Variants in SAMD12 observed in about 807,000 individuals in gnomAD.
SAMD12 encodes the protein sterile alpha motif domain-containing protein 12.
A neutral mutation model predicts 15.0 loss-of-function variants in SAMD12; 9 were observed. The ratio of observed to expected loss-of-function variants is 0.60; its 90% CI spans 0.36 to 1.05. The LOEUF is 1.05. Ranked by LOEUF, SAMD12 falls within the 50% of genes least tolerant of loss-of-function variation. SAMD12 has a pLI of 0.01. For missense variants in SAMD12, 230 were observed against 234.2 expected (o/e 0.98, Z 0.12); for synonymous variants, 86 against 90.1 (o/e 0.96, Z 0.25).
chr8:118,452,290 G>C (rs1205940402), intron 2 of SAMD12, among the ~76,000 whole-genome samples: 1 of 152,180 alleles, frequency 6.6e-6, no homozygotes, highest in Non-Finnish European at 1.5e-5. Context: ...CTCCAGTTCA[G>C]ATGGACTGTT....
At chr8:118,509,428 G>A (rs998647996) in intron 2 of SAMD12, among the ~76,000 whole-genome samples, 1 of 152,170 alleles carries the variant, frequency 6.6e-6, no homozygotes, top group Non-Finnish European at 1.5e-5. Flanking sequence ...AAAATAGCTT[G>A]AGGGTTTCAT....
At chr8:118,575,955 G>T (rs1199233227) in intron 2 of SAMD12, among the ~76,000 whole-genome samples, 2 of 151,888 alleles carry the variant, frequency 1.3e-5, no homozygotes, top group Non-Finnish European at 2.9e-5. Context: ...GAGCATTTGG[G>T]AACATCAATT....
At chr8:118,348,951 C>T (rs77764065) in intron 4 of SAMD12, among the ~76,000 whole-genome samples, 3,053 of 152,276 alleles carry the variant, frequency 0.02, 47 homozygotes, top group Non-Finnish European at 0.027. Flanking sequence ...CAAGAGGCAC[C>T]ATTAATTTCC....
At chr8:118,511,060 T>C (rs1252124039) in intron 2 of SAMD12, among the ~76,000 whole-genome samples, 2 of 152,208 alleles carry the variant, frequency 1.3e-5, no homozygotes, top group African/African-American at 4.8e-5. Flanking sequence ...AATTCAAATA[T>C]TACTTTGCTT....
intron 4 of SAMD12, among the ~76,000 whole-genome samples, chr8:118,356,873 T>G (rs1247070137): frequency 6.6e-6 from 1 of 152,180 alleles, no homozygotes; most frequent in Non-Finnish European, 1.5e-5. Context: ...TAAAGCGCCC[T>G]TCTCCTCCCA....
intron 4 of SAMD12, among the ~76,000 whole-genome samples, chr8:118,248,375 C>A (rs905865048): frequency 6.6e-6 from 1 of 152,114 alleles, no homozygotes; most frequent in South Asian, 2.1e-4. Flanking sequence ...CTCATACAAA[C>A]GTTGGCTCTG....
chr8:118,386,447 C>T lies in SAMD12; in HGVS notation c.323-6747G>A, dbSNP rs76564882. On this transcript the variant is annotated intron_variant, in intron 3 of 3. Transcript: ENST00000314727. ...ATCTGAACAACCTGAGATAATCTTC[C>T]CTTGTGAAGATCCTCAACTTAATAC... 9.1e-4 allele frequency among the ~76,000 whole-genome samples: 138 copies of T among 152,220 alleles called. 1 individual carries two copies. The East Asian group carries it at 0.025, about 28-fold the overall frequency.
chr8:118,259,315 A>C (rs1478032362), intron 4 of SAMD12, among the ~76,000 whole-genome samples: 1 of 152,120 alleles, frequency 6.6e-6, no homozygotes, highest in Non-Finnish European at 1.5e-5. Flanking sequence ...TGCTTAATGC[A>C]GTGGTTTGAC....
chr8:118,593,522 A>C (rs893198063), intron 1 of SAMD12, among the ~76,000 whole-genome samples: 1 of 152,184 alleles, frequency 6.6e-6, no homozygotes, highest in Non-Finnish European at 1.5e-5. Context: ...TTTAATTTAA[A>C]ATTTAGTTCC....
chr8:118,308,101 A>G (rs1467201617), intron 4 of SAMD12, among the ~76,000 whole-genome samples: 1 of 152,236 alleles, frequency 6.6e-6, no homozygotes, highest in African/African-American at 2.4e-5. Context: ...AGGATGAGGT[A>G]GTATGCTAAC....
intron 4 of SAMD12, among the ~76,000 whole-genome samples, chr8:118,330,012 A>G (rs1190803912): frequency 6.6e-6 from 1 of 152,188 alleles, no homozygotes; most frequent in African/African-American, 2.4e-5. Context: ...TGTATGGAAC[A>G]ACATGGAACA....
chr8:118,451,786 A>C (rs1247906109), intron 2 of SAMD12, among the ~76,000 whole-genome samples: 1 of 152,134 alleles, frequency 6.6e-6, no homozygotes, highest in Non-Finnish European at 1.5e-5. Context: ...AAAGTTTCCA[A>C]TACTAGCATT....
chr8:118,187,817 T>C (rs1436977572), downstream of SAMD12, among the ~76,000 whole-genome samples: 2 of 152,146 alleles, frequency 1.3e-5, no homozygotes, highest in Non-Finnish European at 2.9e-5. Context: ...ATTTGTTTAA[T>C]GAAGTGTTTG....
At chr8:118,393,819 C>A (rs1820415637) in intron 3 of SAMD12, among the ~76,000 whole-genome samples, 2 of 152,028 alleles carry the variant, frequency 1.3e-5, no homozygotes, top group South Asian at 4.2e-4. Context: ...CCAGGCTGTT[C>A]TTGAACTCCT....
chr8:118,353,925 A>T (rs750532131), intron 4 of SAMD12, among the ~76,000 whole-genome samples: 22 of 152,104 alleles, frequency 1.4e-4, no homozygotes, highest in Admixed American at 3.3e-4. Context: ...CAGTTTTGGC[A>T]TTGGCTGCCC....
chr8:118,231,233 G>T (rs1383353069), intron 4 of SAMD12, among the ~76,000 whole-genome samples: 1 of 152,176 alleles, frequency 6.6e-6, no homozygotes, highest in African/African-American at 2.4e-5. Context: ...CCAGGCTTTA[G>T]ATCAAAGGAA....
intron 3 of SAMD12, among the ~76,000 whole-genome samples, chr8:118,409,367 C>T (rs1401946846): frequency 6.7e-6 from 1 of 150,178 alleles, no homozygotes; most frequent in Admixed American, 6.6e-5. Context: ...ATACTGAGTA[C>T]CTACTTGTGT....
intron 3 of SAMD12, among the ~76,000 whole-genome samples, chr8:118,392,432 G>C (rs888235212): frequency 2.6e-5 from 4 of 152,074 alleles, no homozygotes; most frequent in Admixed American, 6.5e-5. Context: ...TCCGTCTCAA[G>C]ACAAACAAAC....
Position 118,533,733 on chromosome 8 carries a change from G to C in SAMD12, c.192+46982C>G, listed in dbSNP as rs1175627515. Among the ~76,000 whole-genome samples, 13 of 151,528 alleles carry C rather than the reference G, an allele frequency of 8.6e-5. No individual in the cohort carries two copies. The East Asian group carries it at 2.5e-3, about 29-fold the overall frequency. On this transcript the variant is annotated intron_variant, in intron 2 of 3. Coordinates refer to ENST00000314727, the MANE Select transcript of SAMD12 (RefSeq NM_207506.3). ...CTCTTTTGATCTTTGTTGGTTTAAA[G>C]TCTGTTTTATCAGAGACTAGAATTG...
Sources: gnomAD v4.1 joint callset for allele counts (sites outside exome capture counted in the v4.1 genomes callset) on GRCh38, gnomAD v4.1.1 for gene constraint, MANE v1.5 for transcripts, NCBI Gene and HGNC (gene_info 2026-07-23, HGNC 2026-07-21) for gene names.